The following IPCEF1 variants were observed in gnomAD, a reference collection of about 807,000 sequenced individuals.
IPCEF1 encodes interaction protein for cytohesin exchange factors 1, also known as interactor protein for cytohesin exchange factors 1.
IPCEF1 carries 31 observed loss-of-function variants against 50.9 expected under a neutral mutation model. The observed-to-expected ratio is 0.61, with a 90% CI of 0.46 to 0.82. The LOEUF (loss-of-function observed/expected upper bound fraction) is 0.82, where lower values mean the gene tolerates loss of function less well. Ranked by LOEUF, IPCEF1 falls within the 40% of genes least tolerant of loss-of-function variation. IPCEF1 has a pLI of 0.00. For missense variants in IPCEF1, 458 were observed against 514.0 expected (o/e 0.89, Z 1.05); for synonymous variants, 181 against 192.0 (o/e 0.94, Z 0.47).
intron 5 of IPCEF1, among the ~76,000 whole-genome samples, chr6:154,240,881 T>C (rs1179484389): frequency 2.0e-5 from 3 of 152,222 alleles, no homozygotes; most frequent in Non-Finnish European, 2.9e-5. Context: ...AAAGTCTCTG[T>C]AATATATACA....
chr6:154,272,720 G>A (rs1781929053), intron 2 of IPCEF1, among the ~76,000 whole-genome samples: 1 of 152,162 alleles, frequency 6.6e-6, no homozygotes, highest in Non-Finnish European at 1.5e-5. Flanking sequence ...AACCAAGTGT[G>A]TTTTAGCCAT....
chr6:154,327,258 T>C (rs1188998315), intron 1 of IPCEF1, among the ~76,000 whole-genome samples: 1 of 152,084 alleles, frequency 6.6e-6, no homozygotes, highest in Non-Finnish European at 1.5e-5. Flanking sequence ...CAAAAGAAAC[T>C]ATCATCAGAG....
At position 154,229,917 on chromosome 6, in the gene IPCEF1, A is replaced by G. The variant is rs1339730622; in HGVS notation, c.247-6674T>C. Reference sequence around the variant, plus strand: ...GCAAACCAGTGACGCTTGCTGAAACATGGATGAACCCTGAAAACATTCTGC... The same window carrying G: ...GCAAACCAGTGACGCTTGCTGAAACGTGGATGAACCCTGAAAACATTCTGC... On this transcript the variant is annotated intron_variant, in intron 5 of 11. Transcript: ENST00000367220. Among the ~76,000 whole-genome samples the G allele has an allele frequency of 2.6e-5, 4 of 152,256 alleles. No homozygotes were observed. The South Asian group carries it at 6.2e-4, about 24-fold the overall frequency.
chr6:154,242,862 T>C (rs181920053), intron 5 of IPCEF1, among the ~76,000 whole-genome samples: 1 of 149,206 alleles, frequency 6.7e-6, no homozygotes, highest in East Asian at 2.0e-4. Flanking sequence ...TACTCCAGCC[T>C]GGGCCATAGA....
chr6:154,332,575 T>A (rs1407857894), intron 1 of IPCEF1, among the ~76,000 whole-genome samples: 1 of 152,244 alleles, frequency 6.6e-6, no homozygotes, highest in Non-Finnish European at 1.5e-5. Context: ...AGAGATTCTC[T>A]CCTTCATCAC....
intron 1 of IPCEF1, among the ~76,000 whole-genome samples, chr6:154,330,325 CTTTTTTT>C (rs138406253): frequency 3.4e-5 from 3 of 89,260 alleles, no homozygotes; most frequent in African/African-American, 1.3e-4. Context: ...ATTATAGCCT[CTTTTTTT>C]TTTTTTTTTT....
chr6:154,262,820 A>G (rs1781636714), intron 3 of IPCEF1, among the ~76,000 whole-genome samples: 1 of 127,058 alleles, frequency 7.9e-6, no homozygotes, highest in Non-Finnish European at 1.5e-5. Flanking sequence ...CTCTGTCACC[A>G]GGCTGGAGTG....
intron 10 of IPCEF1, among the ~76,000 whole-genome samples, chr6:154,177,406 A>G (rs1233956473): frequency 6.6e-6 from 1 of 151,624 alleles, no homozygotes; most frequent in Non-Finnish European, 1.5e-5. Flanking sequence ...AAGGGCTAAT[A>G]TCCAGAATCT....
At chr6:154,247,150 A>G in intron 4 of IPCEF1, 1 of 430,378 alleles carries the variant, frequency 2.3e-6, no homozygotes, top group Non-Finnish European at 4.2e-6. Flanking sequence ...CAACAATAAC[A>G]GCCGTAGTTA....
intron 10 of IPCEF1, among the ~76,000 whole-genome samples, chr6:154,191,750 A>T (rs1332999065): frequency 6.6e-6 from 1 of 152,176 alleles, no homozygotes; most frequent in Non-Finnish European, 1.5e-5. Context: ...TTTAGTTAAT[A>T]AAAAAGTATG....
chr6:154,195,296 C>T (rs1427906236), intron 10 of IPCEF1, among the ~76,000 whole-genome samples: 4 of 151,726 alleles, frequency 2.6e-5, no homozygotes, highest in Admixed American at 6.6e-5. Flanking sequence ...TACAGGCGCC[C>T]GCCACCACAC....
chr6:154,291,986 C>T (rs1286861891), intron 1 of IPCEF1, among the ~76,000 whole-genome samples: 2 of 152,124 alleles, frequency 1.3e-5, no homozygotes, highest in African/African-American at 4.8e-5. Context: ...CCTGGCCACA[C>T]TCAGGAAATT....
intron 5 of IPCEF1, among the ~76,000 whole-genome samples, chr6:154,230,988 A>G (rs1163408605): frequency 1.3e-5 from 2 of 152,210 alleles, no homozygotes; most frequent in East Asian, 3.8e-4. Flanking sequence ...CCCAATGACT[A>G]TCTGAATCAG....
chr6:154,229,100 G>C (rs765757643), intron 5 of IPCEF1, among the ~76,000 whole-genome samples: 7 of 152,164 alleles, frequency 4.6e-5, no homozygotes, highest in Non-Finnish European at 7.3e-5. Flanking sequence ...CCCAGGGGCG[G>C]CCCTCCCTTA....
chr6:154,250,293 G>A (rs1329890143), intron 3 of IPCEF1, among the ~76,000 whole-genome samples: 2 of 150,316 alleles, frequency 1.3e-5, no homozygotes, highest in African/African-American at 4.9e-5. Context: ...AGCATTTTAT[G>A]AGATGGTTTT....
At chr6:154,200,449 G>A (rs974789732) in intron 9 of IPCEF1, among the ~76,000 whole-genome samples, 1 of 152,186 alleles carries the variant, frequency 6.6e-6, no homozygotes, top group Non-Finnish European at 1.5e-5. Context: ...GGCTGGGTGC[G>A]ATGGCTCATG....
chr6:154,193,119 G>C (rs752490308), intron 10 of IPCEF1, among the ~76,000 whole-genome samples: 3 of 152,160 alleles, frequency 2.0e-5, no homozygotes, highest in Non-Finnish European at 2.9e-5. Context: ...AACCAGCCCA[G>C]ATGCCCATCA....
At position 154,177,231 on chromosome 6, in the gene IPCEF1, A is replaced by C. The variant is rs1800410187; in HGVS notation, c.911-9118T>G. On this transcript the variant is annotated intron_variant, in intron 10 of 11. Transcript: ENST00000367220. ...ACCGTTCAGGACATAGGCATGGGCAAAGACTTCATGACTAAAACACCAAAA... is the reference window on the plus strand; with the variant it reads ...ACCGTTCAGGACATAGGCATGGGCACAGACTTCATGACTAAAACACCAAAA... Among the ~76,000 whole-genome samples, 3 of 152,242 alleles carry C rather than the reference A, an allele frequency of 2.0e-5. No individual in the cohort carries two copies. The South Asian group carries it at 6.2e-4, about 31-fold the overall frequency.
At chr6:154,294,213 C>G (rs1379104078) in intron 1 of IPCEF1, among the ~76,000 whole-genome samples, 1 of 152,182 alleles carries the variant, frequency 6.6e-6, no homozygotes. Context: ...AAACTTTGCT[C>G]AAGTTCAACC....
Sources: allele counts gnomAD v4.1 joint callset (sites outside exome capture counted in the v4.1 genomes callset), GRCh38; gene constraint gnomAD v4.1.1; transcripts MANE v1.5; gene names NCBI Gene and HGNC (gene_info 2026-07-23, HGNC 2026-07-21).